The following ATF6 variants were observed in gnomAD, a reference collection of about 807,000 sequenced individuals.
The protein encoded by ATF6 is cyclic AMP-dependent transcription factor ATF-6 alpha.
In ATF6, 53 loss-of-function variants were observed where a neutral mutation model predicts 83.6. The observed-to-expected ratio is 0.63, with a 90% CI of 0.51 to 0.80. The LOEUF (loss-of-function observed/expected upper bound fraction) is 0.80, where lower values mean the gene tolerates loss of function less well. ATF6 is among the 30% of genes least tolerant of loss of function. ATF6 has a pLI of 0.00. For synonymous variants in ATF6, 288 were observed against 285.8 expected, an observed-to-expected ratio of 1.01 and a Z score of -0.08; for missense variants, 744 against 797.9, an observed-to-expected ratio of 0.93 and a Z score of 0.81.
intron 15 of ATF6, among the ~76,000 whole-genome samples, chr1:161,936,802 A>C (rs1306873806): frequency 2.0e-5 from 3 of 152,194 alleles, no homozygotes; most frequent in Non-Finnish European, 2.9e-5. Flanking sequence ...AAATATCTTC[A>C]CTTAGATGAT....
chr1:161,831,559 T>C (rs982463020), intron 9 of ATF6, among the ~76,000 whole-genome samples: 1 of 152,022 alleles, frequency 6.6e-6, no homozygotes, highest in African/African-American at 2.4e-5. Context: ...TGTCCAACAA[T>C]GATAGACTGG....
chr1:161,926,913 C>T (rs1009670276), intron 15 of ATF6, among the ~76,000 whole-genome samples: 4 of 86,322 alleles, frequency 4.6e-5, no homozygotes, highest in African/African-American at 1.2e-4. Flanking sequence ...GTAATAGTTA[C>T]GTTGCAGTCA....
intron 15 of ATF6, among the ~76,000 whole-genome samples, chr1:161,937,991 A>G (rs1688572028): frequency 6.6e-6 from 1 of 152,100 alleles, no homozygotes; most frequent in South Asian, 2.1e-4. Flanking sequence ...GCACAACTCT[A>G]CATGGTTCTG....
chr1:161,820,018 A>G (rs1482628855), intron 8 of ATF6, among the ~76,000 whole-genome samples, 200 bp downstream of exon 8: 1 of 152,218 alleles, frequency 6.6e-6, no homozygotes, highest in Non-Finnish European at 1.5e-5. Flanking sequence ...CAATCTACAT[A>G]GAAAAGTTGT....
intron 14 of ATF6, among the ~76,000 whole-genome samples, chr1:161,905,304 T>C (rs1687859391): frequency 1.3e-5 from 2 of 152,200 alleles, no homozygotes; most frequent in Admixed American, 1.3e-4. Context: ...ATATATATTT[T>C]TTGTCTCAAC....
chr1:161,906,545 A>C (rs1449757961), intron 14 of ATF6, among the ~76,000 whole-genome samples: 2 of 152,160 alleles, frequency 1.3e-5, no homozygotes, highest in East Asian at 3.8e-4. Context: ...CATCCTACAG[A>C]GTTTGACATG....
intron 14 of ATF6, among the ~76,000 whole-genome samples, chr1:161,865,213 G>A (rs1293193064): frequency 6.6e-6 from 1 of 151,518 alleles, no homozygotes; most frequent in East Asian, 1.9e-4. Context: ...AGGCTGGAGT[G>A]CAGTGGTGCC....
chr1:161,920,294 C>CTTTTTTTT lies in ATF6; in HGVS notation c.1804+7925_1804+7932dup, dbSNP rs71798307. On this transcript the variant is annotated intron_variant, in intron 15 of 15. Coordinates refer to ENST00000367942, the MANE Select transcript of ATF6 (RefSeq NM_007348.4). ...TAGTTCTCTTTCTCTCTCTCTCTCT[C>CTTTTTTTT]TTTTTTTTTTTTTTTTTTGAGACAG... is the stretch of plus-strand genomic sequence containing the variant. Among the ~76,000 whole-genome samples, 25 of 54,832 alleles carry CTTTTTTTT rather than the reference C, an allele frequency of 4.6e-4. 7 individuals carry two copies. Among genetic ancestry groups the CTTTTTTTT allele is most frequent in the African/African-American group, 1.4e-3 (19 of 13,476 alleles). 36.0% of individuals were successfully genotyped at this position (54,832 alleles called of 152,430 possible).
intron 9 of ATF6, among the ~76,000 whole-genome samples, chr1:161,834,822 T>G (rs1686173386): frequency 6.6e-6 from 1 of 151,688 alleles, no homozygotes; most frequent in Non-Finnish European, 1.5e-5. Context: ...AAGAAAGAAA[T>G]AGTGAATGGG....
rs969765442 is a variant in ATF6 at position 161,962,446 on chromosome 1, C to T, written c.*3792C>T. The stretch of plus-strand genomic sequence containing the variant: ...TCGTTAAAACTGGAAAACTCTCAAG[C>T]TCTTTGCCACTTTCCTACTATTTTT... On this transcript the variant is annotated 3_prime_UTR_variant, in exon 16 of 16. Coordinates refer to ENST00000367942, the MANE Select transcript of ATF6 (RefSeq NM_007348.4). 6.6e-6 allele frequency: 1 copy of T among 152,202 alleles called. No individual in the cohort carries two copies. The highest frequency in any genetic ancestry group is 1.5e-5 in the Non-Finnish European group (1 of 68,040). The allele number at this position is 152,202 out of a possible 1,614,324, so 9.4% of individuals were successfully genotyped here.
intron 14 of ATF6, among the ~76,000 whole-genome samples, chr1:161,911,530 G>A (rs553107600): frequency 6.6e-5 from 10 of 152,168 alleles, no homozygotes; most frequent in Non-Finnish European, 1.3e-4. Flanking sequence ...CACAGTGTAG[G>A]ACTATACAAT....
intron 6 of ATF6, among the ~76,000 whole-genome samples, chr1:161,800,863 G>A (rs896169744): frequency 6.6e-6 from 1 of 152,156 alleles, no homozygotes; most frequent in African/African-American, 2.4e-5. Context: ...TGTTTTAGAA[G>A]TCTCTTTTTG....
In ATF6 at chr1:161,834,754, A is replaced by G. The variant is rs538253149; in HGVS notation, c.1188-11695A>G. Among the ~76,000 whole-genome samples, 3 of 152,236 alleles carry G rather than the reference A, an allele frequency of 2.0e-5. No individual in the cohort carries two copies. In the South Asian group the frequency reaches 6.2e-4, roughly 32 times the overall value. On this transcript the variant is annotated intron_variant, in intron 9 of 15. Transcript: ENST00000367942. ...ACAAACCTGCACGTTGTGCACATGT[A>G]CCCTAAAACCTAAAGTATAATAATA...
At chr1:161,854,255 T>A (rs1471678291) in intron 12 of ATF6, among the ~76,000 whole-genome samples, 3 of 152,196 alleles carry the variant, frequency 2.0e-5, no homozygotes, top group African/African-American at 7.2e-5. Context: ...AAAATTTGAC[T>A]TCACTTTCTA....
chr1:161,963,113 T>C lies in ATF6; in HGVS notation c.*4459T>C, dbSNP rs1558043982. ...AACAATACTAGACTACCCAAAAAGA[T>C]GTTGCCAGAATCCAAAAGGAACTAT... On this transcript the variant is annotated 3_prime_UTR_variant, in exon 16 of 16. Transcript: ENST00000367942. 3 of 152,172 alleles carry C rather than the reference T, an allele frequency of 2.0e-5. No homozygotes were observed. The highest frequency in any genetic ancestry group is 1.3e-4 in the Admixed American group (2 of 15,278). 9.4% of individuals were successfully genotyped at this position (152,172 alleles called of 1,614,324 possible).
intron 9 of ATF6, among the ~76,000 whole-genome samples, chr1:161,835,544 T>C (rs529354601): frequency 6.6e-6 from 1 of 152,314 alleles, no homozygotes; most frequent in Non-Finnish European, 1.5e-5. Context: ...TTTTGTATAG[T>C]TTTGTATTTC....
intron 14 of ATF6, among the ~76,000 whole-genome samples, chr1:161,878,124 A>G (rs1202125859): frequency 6.6e-6 from 1 of 151,916 alleles, no homozygotes; most frequent in Non-Finnish European, 1.5e-5. Context: ...ACATTTATTT[A>G]TTTATTTGGA....
intron 9 of ATF6, among the ~76,000 whole-genome samples, chr1:161,840,920 A>T (rs537631923): frequency 1.1e-4 from 16 of 152,294 alleles, no homozygotes; most frequent in African/African-American, 3.8e-4. Flanking sequence ...TACTGAGTAG[A>T]ACCTGATTTA....
At chr1:161,893,574 C>T (rs900185296) in intron 14 of ATF6, among the ~76,000 whole-genome samples, 1 of 152,238 alleles carries the variant, frequency 6.6e-6, no homozygotes, top group Non-Finnish European at 1.5e-5. Flanking sequence ...GCTTAAAAAG[C>T]AACAACAGCA....
Sources: allele counts gnomAD v4.1 joint callset (sites outside exome capture counted in the v4.1 genomes callset), GRCh38; gene constraint gnomAD v4.1.1; transcripts MANE v1.5; gene names NCBI Gene and HGNC (gene_info 2026-07-23, HGNC 2026-07-21).